Variants in HBS1L observed in about 807,000 individuals in gnomAD.
HBS1L encodes HBS1 like translational GTPase.
HBS1L carries 55 observed loss-of-function variants against 88.9 expected under a neutral mutation model. The ratio of observed to expected loss-of-function variants is 0.62; its 90% confidence interval spans 0.50 to 0.77. The LOEUF (loss-of-function observed/expected upper bound fraction) is 0.77. Ranked by LOEUF, HBS1L falls within the 30% of genes least tolerant of loss-of-function variation. HBS1L has a pLI of 0.00. For synonymous variants in HBS1L, 267 were observed against 288.5 expected (o/e 0.93, Z 0.76); for missense variants, 741 against 829.3 (o/e 0.89, Z 1.31).
At chr6:134,988,599 C>T (rs1775047308) in intron 8 of HBS1L, among the ~76,000 whole-genome samples, 1 of 152,004 alleles carries the variant, frequency 6.6e-6, no homozygotes, top group Non-Finnish European at 1.5e-5. Context: ...AATAAAAACA[C>T]ATTGACATAT....
intron 4 of HBS1L, among the ~76,000 whole-genome samples, chr6:135,021,220 T>C (rs1033314275): frequency 1.4e-4 from 22 of 152,078 alleles, no homozygotes; most frequent in Non-Finnish European, 2.9e-5. Context: ...TGGTGTAAAG[T>C]ACTCATTAAT....
rs554324303 is a variant in HBS1L, at chr6:135,009,199, A to C, written c.431-6357T>G. ...TGTGGTTCAGACAGGCTGATCTGCC[A>C]GAGGCCATACAACTGTGGCCTGTGA... is the stretch of plus-strand genomic sequence containing the variant. On this transcript the variant is annotated intron_variant, in intron 4 of 17. Transcript: ENST00000367837. Among the ~76,000 whole-genome samples the C allele has an allele frequency of 2.6e-5, 4 of 152,328 alleles. No individual in the cohort carries two copies. The South Asian group carries it at 6.2e-4, about 24-fold the overall frequency.
rs774135596 is a variant in HBS1L, at chr6:134,997,382, G to C, written c.799+15C>G. On this transcript the variant is annotated intron_variant, in intron 6 of 17. Coordinates refer to ENST00000367837, the MANE Select transcript of HBS1L (RefSeq NM_006620.4). ...GCATGGCTGGCTGACGATCCAGAGG[G>C]ACAAAGAGCATTACCAATGACCACT... The C allele has an allele frequency of 1.2e-6, 2 of 1,613,550 alleles. No homozygotes were observed. The highest frequency in any genetic ancestry group is 3.3e-5 in the Admixed American group (2 of 59,958).
At chr6:134,989,683 A>G (rs1438609591) in intron 8 of HBS1L, among the ~76,000 whole-genome samples, 1 of 152,208 alleles carries the variant, frequency 6.6e-6, no homozygotes, top group Non-Finnish European at 1.5e-5. Context: ...GATAATTTAC[A>G]CTATTCCTGT....
intron 15 of HBS1L, among the ~76,000 whole-genome samples, chr6:134,974,649 GC>G (rs1774589813): frequency 8.8e-6 from 1 of 113,126 alleles, no homozygotes; most frequent in African/African-American, 3.0e-5. Flanking sequence ...ACAATTAAAA[GC>G]AAAAAAAAAA....
At chr6:135,037,895 G>T in intron 4 of HBS1L, 1 of 1,551,162 alleles carries the variant, frequency 6.4e-7, no homozygotes, top group Non-Finnish European at 8.7e-7. Context: ...GAAGAATTAT[G>T]AGATAATCCG....
Position 134,960,663 on chromosome 6 carries a change from A to G in HBS1L, c.*4616T>C, listed in dbSNP as rs1774165992. 6.6e-6 allele frequency: 1 copy of G among 152,146 alleles called. No individual in the cohort carries two copies. Among genetic ancestry groups the G allele is most frequent in the Non-Finnish European group, 1.5e-5 (1 of 68,008 alleles). 9.4% of individuals were successfully genotyped at this position (152,146 alleles called of 1,614,324 possible). On this transcript the variant is annotated 3_prime_UTR_variant, in exon 18 of 18. Transcript: ENST00000367837. ...GAGAGGCAGTGTAGTGTCTCTGAAC[A>G]TGCCTCAGTCAGACTTAAATCTAAA...
chr6:135,003,916 G>A (rs1367805316), intron 4 of HBS1L, among the ~76,000 whole-genome samples: 1 of 152,016 alleles, frequency 6.6e-6, no homozygotes, highest in Admixed American at 6.6e-5. Flanking sequence ...AGGGATGGAG[G>A]AGAATAAATT....
In HBS1L at chr6:135,054,792, G is replaced by T; in HGVS notation, c.-101C>A. 3 of 1,410,390 alleles carry T rather than the reference G, an allele frequency of 2.1e-6. No homozygotes were observed. Among genetic ancestry groups the T allele is most frequent in the Non-Finnish European group, 3.0e-6 (3 of 1,016,086 alleles). 87.4% of individuals were successfully genotyped at this position (1,410,390 alleles called of 1,614,324 possible). ...ACTGCAGCCTGGAGAACCCCTATGC[G>T]CCATCTTGGCTTCCCGCAGGCCTCT... On this transcript the variant is annotated 5_prime_UTR_variant, in exon 1 of 18. Transcript: ENST00000367837.
intron 16 of HBS1L, among the ~76,000 whole-genome samples, chr6:134,967,629 C>G (rs1421534609): frequency 6.6e-6 from 1 of 152,100 alleles, no homozygotes; most frequent in Admixed American, 6.6e-5. Flanking sequence ...GTAGCAGGAG[C>G]ATGGAGGGGA....
intron 4 of HBS1L, among the ~76,000 whole-genome samples, chr6:135,003,129 T>C (rs1040665310): frequency 2.0e-5 from 3 of 152,164 alleles, no homozygotes; most frequent in African/African-American, 7.2e-5. Flanking sequence ...GGTCACAAGG[T>C]AGTTTCTGCA....
chr6:135,038,056 A>T, intron 4 of HBS1L: 1 of 1,450,488 alleles, frequency 6.9e-7, no homozygotes, highest in Non-Finnish European at 9.0e-7. Context: ...TAATTTTCAG[A>T]TGAATAGGTT....
chr6:135,004,531 T>C (rs749069985), intron 4 of HBS1L, among the ~76,000 whole-genome samples: 19 of 151,970 alleles, frequency 1.3e-4, no homozygotes, highest in Admixed American at 3.9e-4. Flanking sequence ...GGGAGCTACA[T>C]GAAGCTGGAG....
intron 4 of HBS1L, chr6:135,037,988 C>G: frequency 6.6e-7 from 1 of 1,526,568 alleles, no homozygotes; most frequent in Non-Finnish European, 8.8e-7. Flanking sequence ...GAACTTTGAA[C>G]ATTATCAGCT....
chr6:134,984,376 T>C (rs991399592), intron 12 of HBS1L, among the ~76,000 whole-genome samples: 2 of 152,208 alleles, frequency 1.3e-5, no homozygotes, highest in African/African-American at 4.8e-5. Flanking sequence ...GAGATAGTAC[T>C]TGCCTTCAAG....
rs568566550 is a variant in HBS1L at position 135,009,078 on chromosome 6, C to A, written c.431-6236G>T. Among the ~76,000 whole-genome samples, 3 of 152,272 alleles carry A rather than the reference C, an allele frequency of 2.0e-5. No homozygotes were observed. The South Asian group carries it at 6.2e-4, about 32-fold the overall frequency. On this transcript the variant is annotated intron_variant, in intron 4 of 17. Coordinates refer to ENST00000367837, the MANE Select transcript of HBS1L (RefSeq NM_006620.4). ...AATTCTAGAAAGCCAACATGGCACT[C>A]TCATATGCTCTTCAGCCAGGTGCTT...
chr6:135,037,388 T>C, intron 4 of HBS1L: 1 of 1,551,312 alleles, frequency 6.4e-7, no homozygotes. Context: ...GTGTGATTCT[T>C]GGCACTTTGT....
chr6:134,980,531 C>CTA (rs762636652), intron 13 of HBS1L, among the ~76,000 whole-genome samples: 24 of 151,946 alleles, frequency 1.6e-4, no homozygotes, highest in Non-Finnish European at 5.9e-5. Flanking sequence ...TATTTACACA[C>CTA]AATAGAGATT....
chr6:134,975,825 A>G (rs9376075), intron 15 of HBS1L, among the ~76,000 whole-genome samples: 70,587 of 151,850 alleles, frequency 0.46, 16,787 homozygotes, highest in South Asian at 0.56. Context: ...AAAACCTGGG[A>G]GAGGTTCTTC....
Sources: gnomAD v4.1 joint callset for allele counts (sites outside exome capture counted in the v4.1 genomes callset) on GRCh38, gnomAD v4.1.1 for gene constraint, MANE v1.5 for transcripts, NCBI Gene and HGNC (gene_info 2026-07-23, HGNC 2026-07-21) for gene names.